The following FAF1 variants were observed in gnomAD, a reference collection of about 807,000 sequenced individuals.
The protein encoded by FAF1 is Fas associated factor 1.
FAF1 carries 25 observed loss-of-function variants against 92.5 expected under a neutral mutation model. That is an observed-to-expected ratio of 0.27 (90% CI 0.20 to 0.38). FAF1 has a LOEUF of 0.38. Ranked by LOEUF, FAF1 falls within the 10% of genes least tolerant of loss-of-function variation. FAF1 has a pLI of 1.00. For missense variants in FAF1, 636 were observed against 793.3 expected, an observed-to-expected ratio of 0.80 and a Z score of 2.38; for synonymous variants, 234 against 273.2, an observed-to-expected ratio of 0.86 and a Z score of 1.42.
intron 15 of FAF1, 70 bp downstream of exon 15, chr1:50,535,299 T>G (rs1215120012): frequency 9.8e-7 from 1 of 1,019,438 alleles, no homozygotes; most frequent in Non-Finnish European, 1.5e-6. Flanking sequence ...TAGGCATGTA[T>G]CATCATTTGA....
chr1:50,496,820 A>T (rs1572785636), intron 15 of FAF1, among the ~76,000 whole-genome samples: 1 of 151,654 alleles, frequency 6.6e-6, no homozygotes, highest in East Asian at 1.9e-4. Flanking sequence ...ACCTGGGAGG[A>T]AGAGGTTGCA....
chr1:50,959,699 A>C lies in FAF1; in HGVS notation c.45+68T>G, dbSNP rs1570193203. ...CTGCAGCGTTCAAACGCTGGGAAGA[A>C]GACTCCCTTGTGGCACCGGAAACCC... is the stretch of plus-strand genomic sequence containing the variant. On this transcript the variant is annotated intron_variant, in intron 1 of 18. Coordinates refer to ENST00000396153, the MANE Select transcript of FAF1 (RefSeq NM_007051.3). 14 of 1,384,858 alleles carry C rather than the reference A, an allele frequency of 1.0e-5. No individual in the cohort carries two copies. In the East Asian group the frequency reaches 2.1e-4, roughly 20 times the overall value. The allele number at this position is 1,384,858 out of a possible 1,614,324, so 85.8% of individuals were successfully genotyped here.
intron 15 of FAF1, among the ~76,000 whole-genome samples, chr1:50,499,713 C>A (rs995980774): frequency 2.0e-5 from 3 of 152,072 alleles, no homozygotes; most frequent in African/African-American, 7.2e-5. Flanking sequence ...TAACAAGCAA[C>A]CCCTTCCCCT....
chr1:50,797,580 T>C (rs1262101097), intron 3 of FAF1, among the ~76,000 whole-genome samples: 2 of 152,004 alleles, frequency 1.3e-5, no homozygotes, highest in East Asian at 3.9e-4. Context: ...GCGCCTACAG[T>C]CCCAGCTACT....
intron 2 of FAF1, among the ~76,000 whole-genome samples, chr1:50,812,319 AC>A (rs1351339714): frequency 6.6e-6 from 1 of 152,212 alleles, no homozygotes; most frequent in Non-Finnish European, 1.5e-5. Context: ...GAGAAGATAT[AC>A]GTATCCAAAA....
intron 1 of FAF1, among the ~76,000 whole-genome samples, chr1:50,927,609 T>C (rs1165362403): frequency 1.5e-4 from 23 of 152,176 alleles, no homozygotes; most frequent in Non-Finnish European, 4.4e-5. Flanking sequence ...AACTAACATA[T>C]GTGTAATGTC....
At chr1:50,796,845 G>A (rs1028686275) in intron 3 of FAF1, among the ~76,000 whole-genome samples, 34 of 151,966 alleles carry the variant, frequency 2.2e-4, no homozygotes, top group Non-Finnish European at 8.8e-5. Flanking sequence ...AATTTCTTGG[G>A]TAGACCAGGT....
At position 50,546,700 on chromosome 1, in the gene FAF1, A is replaced by G. The variant is rs1370767109; in HGVS notation, c.1269-6972T>C. 2.0e-5 allele frequency among the ~76,000 whole-genome samples: 3 copies of G among 152,238 alleles called. No individual in the cohort carries two copies. The East Asian group carries it at 5.8e-4, about 29-fold the overall frequency. ...TATATACAAAATAACCTCTGGATGG[A>G]TAAATAAGAATGTTGCCTCTGGGGA... On this transcript the variant is annotated intron_variant, in intron 13 of 18. Transcript: ENST00000396153.
chr1:50,908,386 A>C (rs919959309), intron 1 of FAF1, among the ~76,000 whole-genome samples: 1 of 152,066 alleles, frequency 6.6e-6, no homozygotes, highest in Non-Finnish European at 1.5e-5. Flanking sequence ...TGTCTATTAG[A>C]TCTGCTTGGT....
At chr1:50,500,785 T>C (rs1009121668) in intron 15 of FAF1, among the ~76,000 whole-genome samples, 1 of 151,914 alleles carries the variant, frequency 6.6e-6, no homozygotes, top group Non-Finnish European at 1.5e-5. Flanking sequence ...AAAGTAAAAA[T>C]AAAAAAATTA....
At chr1:50,771,142 A>G (rs1201522213) in intron 4 of FAF1, among the ~76,000 whole-genome samples, 1 of 152,230 alleles carries the variant, frequency 6.6e-6, no homozygotes, top group Non-Finnish European at 1.5e-5. Context: ...CTAAAACTAC[A>G]AAAACCCTAG....
intron 17 of FAF1, among the ~76,000 whole-genome samples, chr1:50,480,708 T>C (rs1467673957): frequency 6.6e-6 from 1 of 152,230 alleles, no homozygotes; most frequent in Non-Finnish European, 1.5e-5. Context: ...CGTAAGATTA[T>C]AACGGAGCTG....
chr1:50,819,634 T>TCACA lies in FAF1; in HGVS notation c.115-17958_115-17957insTGTG, dbSNP rs1291338974. Reference sequence around the variant, plus strand: ...GAGCAAGACTGACCGACTGACTGACTCACTCACACACACACACACACACAC... The same window carrying TCACA: ...GAGCAAGACTGACCGACTGACTGACTCACACACTCACACACACACACACACACAC... On this transcript the variant is annotated intron_variant, in intron 2 of 18. Coordinates refer to ENST00000396153, the MANE Select transcript of FAF1 (RefSeq NM_007051.3). 7.8e-3 allele frequency among the ~76,000 whole-genome samples: 677 copies of TCACA among 86,316 alleles called. 27 individuals are homozygous for TCACA. The highest frequency in any genetic ancestry group is 0.036 in the African/African-American group (557 of 15,574). 56.6% of individuals were successfully genotyped at this position (86,316 alleles called of 152,430 possible).
intron 1 of FAF1, among the ~76,000 whole-genome samples, chr1:50,929,879 C>T (rs1354030206): frequency 2.6e-5 from 4 of 152,190 alleles, no homozygotes; most frequent in Non-Finnish European, 1.5e-5. Context: ...TTACCAGAAG[C>T]TACAAATATA....
intron 1 of FAF1, among the ~76,000 whole-genome samples, chr1:50,905,590 G>C (rs1383106019): frequency 2.0e-5 from 3 of 152,194 alleles, no homozygotes; most frequent in Admixed American, 1.3e-4. Flanking sequence ...ACTGTGAGAT[G>C]GTATCTGATT....
intron 18 of FAF1, among the ~76,000 whole-genome samples, chr1:50,442,856 C>T (rs927628466): frequency 6.6e-5 from 10 of 152,248 alleles, no homozygotes; most frequent in South Asian, 2.1e-4. Context: ...AAGACACATC[C>T]GCCCCTGGAA....
At chr1:50,691,736 A>G (rs1479291205) in intron 7 of FAF1, among the ~76,000 whole-genome samples, 1 of 152,178 alleles carries the variant, frequency 6.6e-6, no homozygotes, top group Non-Finnish European at 1.5e-5. Context: ...CATTATAGGC[A>G]TGCACCACCA....
chr1:50,625,801 T>C (rs922920616), intron 8 of FAF1, among the ~76,000 whole-genome samples: 1 of 152,120 alleles, frequency 6.6e-6, no homozygotes, highest in South Asian at 2.1e-4. Context: ...GACATTATCT[T>C]GTAGGCAACG....
At chr1:50,734,744 A>G (rs566387758) in intron 6 of FAF1, among the ~76,000 whole-genome samples, 12 of 152,132 alleles carry the variant, frequency 7.9e-5, no homozygotes, top group Non-Finnish European at 1.3e-4. Flanking sequence ...AAAAAAAAAA[A>G]AAAAGAAAAA....
Sources: allele counts gnomAD v4.1 joint callset (sites outside exome capture counted in the v4.1 genomes callset), GRCh38; gene constraint gnomAD v4.1.1; transcripts MANE v1.5; gene names NCBI Gene and HGNC (gene_info 2026-07-23, HGNC 2026-07-21).